The following SNCAIP variants were observed in gnomAD, a reference collection of about 807,000 sequenced individuals.
The protein encoded by SNCAIP is synphilin-1.
A neutral mutation model predicts 86.7 loss-of-function variants in SNCAIP; 43 were observed. That is an observed-to-expected ratio of 0.50 (90% confidence interval 0.39 to 0.64). The LOEUF (loss-of-function observed/expected upper bound fraction) is 0.64. Among genes scored for constraint, SNCAIP ranks in the 30% least tolerant of loss-of-function variants. The pLI, the probability that SNCAIP is intolerant of heterozygous loss-of-function variation, is 0.00. For synonymous variants in SNCAIP, 417 were observed against 427.2 expected, an observed-to-expected ratio of 0.98 and a Z score of 0.29; for missense variants, 981 against 1,103.1, an observed-to-expected ratio of 0.89 and a Z score of 1.57.
At chr5:122,340,619 A>G (rs1014071172) in intron 1 of SNCAIP, among the ~76,000 whole-genome samples, 2 of 152,236 alleles carry the variant, frequency 1.3e-5, no homozygotes, top group African/African-American at 2.4e-5. Context: ...TACAGCAGCC[A>G]TGAAAATAAC....
chr5:122,323,733 T>C (rs57177143), intron 1 of SNCAIP, among the ~76,000 whole-genome samples: 2,816 of 152,320 alleles, frequency 0.018, 69 homozygotes, highest in East Asian at 0.11. Context: ...GTGAGGCTAA[T>C]TGATGGCTTT....
rs567622664 is a variant in SNCAIP, at chr5:122,434,168, T to C, written c.1296+2086T>C. Among the ~76,000 whole-genome samples the C allele has an allele frequency of 5.3e-5, 8 of 152,290 alleles. No homozygotes were observed. The South Asian group carries it at 1.5e-3, about 28-fold the overall frequency. ...GAGTCTAAAACAAAATTTTATTCAA[T>C]TGTGTGAATAGTTATTTCATGTCTC... is the stretch of plus-strand genomic sequence containing the variant. On this transcript the variant is annotated intron_variant, in intron 6 of 10. Coordinates refer to ENST00000261368, the MANE Select transcript of SNCAIP (RefSeq NM_005460.4).
Position 122,423,035 on chromosome 5 carries a change from C to A in SNCAIP, c.298C>A (p.Gln100Lys), listed in dbSNP as rs1776707497. The A allele has an allele frequency of 6.2e-7, 1 of 1,613,990 alleles. No individual in the cohort carries two copies. Among genetic ancestry groups the A allele is most frequent in the African/African-American group, 1.3e-5 (1 of 74,908 alleles). ...CAATGAAAGTGATGACCAAAAGAAC[C>A]AGAAAGTGGTTGAGTACCAGAAAGG... is the stretch of plus-strand genomic sequence containing the variant. ...ENNESDDQKN[Q>K]KVVEYQKGGE... Residue 100 changes from glutamine (Q) to lysine (K), a missense_variant, in exon 4 of 11, where the codon CAG becomes AAG. Coordinates refer to ENST00000261368, the MANE Select transcript of SNCAIP (RefSeq NM_005460.4).
At chr5:122,348,676 A>G (rs989269482) in intron 1 of SNCAIP, among the ~76,000 whole-genome samples, 1 of 152,134 alleles carries the variant, frequency 6.6e-6, no homozygotes, top group Non-Finnish European at 1.5e-5. Context: ...ATATAAACCC[A>G]TTGACAAATG....
At chr5:122,326,606 CTTTTTTTTTTTTTTT>C (rs11297385) in intron 1 of SNCAIP, among the ~76,000 whole-genome samples, 62 of 42,142 alleles carry the variant, frequency 1.5e-3, no homozygotes, top group African/African-American at 7.6e-3. Flanking sequence ...GAAATGTCTC[CTTTTTTTTTTTTTTT>C]TTTTTTTTTT....
At chr5:122,330,909 C>G (rs865781419) in intron 1 of SNCAIP, among the ~76,000 whole-genome samples, 4 of 151,474 alleles carry the variant, frequency 2.6e-5, no homozygotes, top group African/African-American at 7.3e-5. Flanking sequence ...CTAGATGGTC[C>G]CATTGGTGAT....
At chr5:122,426,213 A>C (rs1025534536) in intron 5 of SNCAIP, among the ~76,000 whole-genome samples, 1 of 152,268 alleles carries the variant, frequency 6.6e-6, no homozygotes, top group African/African-American at 2.4e-5. Flanking sequence ...TGGCAAATAA[A>C]TGTAGAATCC....
At chr5:122,361,481 A>G (rs1274967410) in intron 1 of SNCAIP, among the ~76,000 whole-genome samples, 1 of 152,202 alleles carries the variant, frequency 6.6e-6, no homozygotes, top group South Asian at 2.1e-4. Flanking sequence ...CACAACCAGC[A>G]AGGTTCCAAA....
At chr5:122,443,618 T>C (rs755224177) in intron 7 of SNCAIP, 8 of 456,918 alleles carry the variant, frequency 1.8e-5, no homozygotes, top group Non-Finnish European at 8.8e-6. Context: ...AGACATGCCT[T>C]TTTACACACC....
At chr5:122,324,063 T>G (rs898858093) in intron 1 of SNCAIP, among the ~76,000 whole-genome samples, 4 of 152,038 alleles carry the variant, frequency 2.6e-5, no homozygotes, top group Non-Finnish European at 4.4e-5. Flanking sequence ...AAGAGTGGCC[T>G]CCCCAAGCTC....
intron 1 of SNCAIP, among the ~76,000 whole-genome samples, chr5:122,375,492 T>G (rs1765117033): frequency 6.6e-6 from 1 of 151,804 alleles, no homozygotes; most frequent in Admixed American, 6.6e-5. Flanking sequence ...TTTTTCATTT[T>G]TCTTCTGTGT....
chr5:122,427,100 T>C (rs968469071), intron 5 of SNCAIP, among the ~76,000 whole-genome samples: 4 of 152,200 alleles, frequency 2.6e-5, no homozygotes. Flanking sequence ...GCTGTTTTAG[T>C]GTTTATAAAA....
chr5:122,318,224 A>G (rs1004208534), intron 1 of SNCAIP, among the ~76,000 whole-genome samples: 5 of 151,896 alleles, frequency 3.3e-5, no homozygotes, highest in African/African-American at 1.2e-4. Context: ...GTGCTTTTAC[A>G]TGGGCTGTTG....
intron 1 of SNCAIP, among the ~76,000 whole-genome samples, chr5:122,342,417 G>T (rs563769071): frequency 6.6e-6 from 1 of 152,052 alleles, no homozygotes; most frequent in Non-Finnish European, 1.5e-5. Flanking sequence ...GAGATCTGGC[G>T]TCTCCACCAT....
At chr5:122,313,862 A>C (rs1751170732) in intron 1 of SNCAIP, among the ~76,000 whole-genome samples, 2 of 152,246 alleles carry the variant, frequency 1.3e-5, no homozygotes, top group Admixed American at 6.5e-5. Context: ...TCAGAAAGTA[A>C]AAGATAGTGC....
chr5:122,321,142 G>A (rs558319151), intron 1 of SNCAIP: 1 of 152,160 alleles, frequency 6.6e-6, no homozygotes, highest in East Asian at 1.9e-4. Flanking sequence ...TTTATAGCAG[G>A]CGCGCTTAAA....
chr5:122,403,010 GA>G (rs1160641298), intron 2 of SNCAIP, among the ~76,000 whole-genome samples: 1 of 152,128 alleles, frequency 6.6e-6, no homozygotes, highest in Non-Finnish European at 1.5e-5. Context: ...CTCCTCTAAA[GA>G]AAGACTGATT....
intron 7 of SNCAIP, chr5:122,443,819 C>G: frequency 2.6e-6 from 1 of 381,566 alleles, no homozygotes; most frequent in Admixed American, 3.1e-5. Context: ...TGCTGACTCT[C>G]CAGTGAGTGC....
At chr5:122,327,985 G>C (rs1354477648) in intron 1 of SNCAIP, among the ~76,000 whole-genome samples, 1 of 152,086 alleles carries the variant, frequency 6.6e-6, no homozygotes, top group African/African-American at 2.4e-5. Context: ...AGGCCAAGTG[G>C]GTATTCACTA....
Sources: gnomAD v4.1 joint callset for allele counts (sites outside exome capture counted in the v4.1 genomes callset) on GRCh38, gnomAD v4.1.1 for gene constraint, MANE v1.5 for transcripts, NCBI Gene and HGNC (gene_info 2026-07-23, HGNC 2026-07-21) for gene names.